TASP1: variants seen among roughly 807,000 people sequenced by gnomAD.
TASP1 encodes the protein taspase 1, also known as threonine aspartase 1.
TASP1 carries 16 observed loss-of-function variants against 56.6 expected under a neutral mutation model. The ratio of observed to expected loss-of-function variants is 0.28; its 90% CI spans 0.19 to 0.43. TASP1 has a LOEUF of 0.43. TASP1 is among the 20% of genes least tolerant of loss of function. The pLI is 1.00. For synonymous variants in TASP1, 179 were observed against 184.2 expected, an observed-to-expected ratio of 0.97 and a Z score of 0.23; for missense variants, 393 against 511.6, an observed-to-expected ratio of 0.77 and a Z score of 2.24.
the TASP1 span, among the ~76,000 whole-genome samples, chr20:13,152,199 T>C: frequency 6.6e-6 from 1 of 152,198 alleles, no homozygotes; most frequent in Non-Finnish European, 1.5e-5. Flanking sequence ...TGGCTTCTCC[T>C]TGCGTATAAC....
intron 10 of TASP1, among the ~76,000 whole-genome samples, chr20:13,521,718 A>C (rs994252715): frequency 1.3e-5 from 2 of 152,144 alleles, no homozygotes; most frequent in African/African-American, 4.8e-5. Flanking sequence ...CCAACATGGC[A>C]CATGTATACA....
the TASP1 span, among the ~76,000 whole-genome samples, chr20:13,149,365 A>C: frequency 3.3e-5 from 5 of 152,212 alleles, no homozygotes; most frequent in Admixed American, 3.3e-4. Context: ...CTGCTTTTGC[A>C]AATCACTCTT....
At position 13,402,569 on chromosome 20, in the gene TASP1, G is replaced by A. The variant is rs144750880; in HGVS notation, c.1171-12117C>T. Among the ~76,000 whole-genome samples, 49 of 152,292 alleles carry A rather than the reference G, an allele frequency of 3.2e-4. No homozygotes were observed. In the East Asian group the frequency reaches 3.3e-3, roughly 10 times the overall value. On this transcript the variant is annotated intron_variant, in intron 13 of 13. Coordinates refer to ENST00000337743, the MANE Select transcript of TASP1 (RefSeq NM_017714.3). Reference sequence around the variant, plus strand: ...CTTAGTATATAGGTTTATTGGTGGCGCCTCAACTACCATCCCGAGGCAGTT... The same window carrying A: ...CTTAGTATATAGGTTTATTGGTGGCACCTCAACTACCATCCCGAGGCAGTT...
the TASP1 span, among the ~76,000 whole-genome samples, chr20:13,155,765 G>T: frequency 6.6e-6 from 1 of 152,120 alleles, no homozygotes; most frequent in Non-Finnish European, 1.5e-5. Flanking sequence ...GGTGGAGCTT[G>T]CAGTGAGCCG....
chr20:13,328,731 C>G, the TASP1 span, among the ~76,000 whole-genome samples: 3 of 144,046 alleles, frequency 2.1e-5, no homozygotes, highest in Non-Finnish European at 4.5e-5. Flanking sequence ...CATGTGTTCT[C>G]ACTTATAAGT....
At chr20:13,275,589 C>A in the TASP1 span, among the ~76,000 whole-genome samples, 1 of 152,144 alleles carries the variant, frequency 6.6e-6, no homozygotes, top group African/African-American at 2.4e-5. Context: ...TGTCTTTGTG[C>A]CTCAGTTTCC....
the TASP1 span, among the ~76,000 whole-genome samples, chr20:13,358,230 ACTTT>A: frequency 6.6e-6 from 1 of 152,080 alleles, no homozygotes; most frequent in Non-Finnish European, 1.5e-5. Context: ...CCCTTCGCTG[ACTTT>A]CTTTTCGGAC....
At chr20:13,506,266 T>C (rs1383388347) in intron 10 of TASP1, among the ~76,000 whole-genome samples, 1 of 152,130 alleles carries the variant, frequency 6.6e-6, no homozygotes, top group African/African-American at 2.4e-5. Context: ...GAATCTCTCA[T>C]CCAAGAAAAG....
the TASP1 span, among the ~76,000 whole-genome samples, chr20:13,145,436 T>C: frequency 1.3e-5 from 2 of 151,744 alleles, no homozygotes; most frequent in Admixed American, 1.3e-4. Context: ...ACCAGAGAGG[T>C]GAAAGATCTC....
the TASP1 span, among the ~76,000 whole-genome samples, chr20:13,143,992 C>A: frequency 6.6e-6 from 1 of 152,194 alleles, no homozygotes; most frequent in Non-Finnish European, 1.5e-5. Context: ...GTCTTCCTAA[C>A]CCCCTCAGAG....
chr20:13,618,008 T>C (rs1600179184), intron 4 of TASP1, among the ~76,000 whole-genome samples: 1 of 152,136 alleles, frequency 6.6e-6, no homozygotes, highest in South Asian at 2.1e-4. Flanking sequence ...GAAGAGAATA[T>C]GGCCTATTCC....
chr20:13,117,892 G>A, the TASP1 span, among the ~76,000 whole-genome samples: 9 of 152,126 alleles, frequency 5.9e-5, no homozygotes, highest in African/African-American at 9.7e-5. Context: ...CCAGAATATC[G>A]AGGAGCTCTC....
chr20:13,540,747 T>C (rs562624738), intron 8 of TASP1, among the ~76,000 whole-genome samples: 1 of 152,250 alleles, frequency 6.6e-6, no homozygotes, highest in East Asian at 1.9e-4. Context: ...ACAAGAAAAC[T>C]TTCTGGAGTC....
intron 10 of TASP1, among the ~76,000 whole-genome samples, chr20:13,495,391 C>T (rs571053908): frequency 6.6e-6 from 1 of 152,280 alleles, no homozygotes; most frequent in South Asian, 2.1e-4. Context: ...GCTCACCAGT[C>T]ATTGCTTATC....
chr20:13,504,443 T>C (rs182834718), intron 10 of TASP1, among the ~76,000 whole-genome samples: 106 of 152,260 alleles, frequency 7.0e-4, no homozygotes, highest in Non-Finnish European at 1.0e-3. Flanking sequence ...ATCATTAAAC[T>C]TGTTTTACAA....
At chr20:13,419,578 G>C (rs1050961011) in intron 12 of TASP1, among the ~76,000 whole-genome samples, 6 of 152,152 alleles carry the variant, frequency 3.9e-5, no homozygotes, top group African/African-American at 1.4e-4. Context: ...AAAAGTCCCT[G>C]ATAATAAAAC....
the TASP1 span, among the ~76,000 whole-genome samples, chr20:13,371,274 T>G: frequency 1.3e-5 from 2 of 152,174 alleles, no homozygotes; most frequent in African/African-American, 4.8e-5. Context: ...ATATGGGATC[T>G]TTCTTCTTTT....
chr20:13,455,805 A>C (rs780697764), intron 11 of TASP1, among the ~76,000 whole-genome samples: 1 of 152,210 alleles, frequency 6.6e-6, no homozygotes, highest in Admixed American at 6.5e-5. Flanking sequence ...ATCCCTTCTT[A>C]AAATGAGTTA....
At chr20:13,238,875 T>C in the TASP1 span, 4 of 152,194 alleles carry the variant, frequency 2.6e-5, no homozygotes, top group Non-Finnish European at 5.9e-5. Flanking sequence ...GTTTAACCCA[T>C]TACTCCTGAA....
Sources: gnomAD v4.1 joint callset for allele counts (sites outside exome capture counted in the v4.1 genomes callset) on GRCh38, gnomAD v4.1.1 for gene constraint, MANE v1.5 for transcripts, NCBI Gene and HGNC (gene_info 2026-07-23, HGNC 2026-07-21) for gene names.